GPHN: variants seen among roughly 807,000 people sequenced by gnomAD.
GPHN encodes the protein gephyrin.
Under a neutral mutation model 95.5 loss-of-function variants are expected in GPHN, and 17 were observed. The ratio of observed to expected loss-of-function variants is 0.18; its 90% CI spans 0.12 to 0.27. The LOEUF (loss-of-function observed/expected upper bound fraction) is 0.27. Among genes scored for constraint, GPHN ranks in the 10% least tolerant of loss-of-function variants. The pLI is 1.00. For missense variants in GPHN, 660 were observed against 978.1 expected (o/e 0.67, Z 4.34); for synonymous variants, 320 against 322.5 (o/e 0.99, Z 0.08).
At chr14:66,972,404 C>A (rs1358055814) in intron 9 of GPHN, among the ~76,000 whole-genome samples, 2 of 151,618 alleles carry the variant, frequency 1.3e-5, no homozygotes, top group Admixed American at 6.6e-5. Flanking sequence ...ACATCTAAGT[C>A]TGAATAATAA....
the GPHN span, among the ~76,000 whole-genome samples, chr14:67,474,363 C>G: frequency 3.3e-5 from 5 of 152,122 alleles, no homozygotes; most frequent in Non-Finnish European, 7.4e-5. Context: ...GTCTGTACTC[C>G]CTAGAGCTTT....
intron 4 of GPHN, among the ~76,000 whole-genome samples, chr14:66,870,144 T>C (rs2063376667): frequency 6.6e-6 from 1 of 152,168 alleles, no homozygotes; most frequent in Non-Finnish European, 1.5e-5. Flanking sequence ...TCTAATGTTT[T>C]ATGTAAAATG....
At chr14:66,617,028 G>A (rs1031306357) in intron 1 of GPHN, among the ~76,000 whole-genome samples, 15 of 152,210 alleles carry the variant, frequency 9.9e-5, no homozygotes, top group African/African-American at 2.9e-4. Flanking sequence ...CCCATTTAAC[G>A]AAGCACTTTG....
intron 12 of GPHN, among the ~76,000 whole-genome samples, chr14:67,099,547 CAAA>C (rs368937478): frequency 7.1e-6 from 1 of 141,326 alleles, no homozygotes; most frequent in African/African-American, 2.5e-5. Flanking sequence ...TAACAGGATT[CAAA>C]AAAAAAAACA....
chr14:66,835,357 A>G (rs935781303), intron 4 of GPHN, among the ~76,000 whole-genome samples: 4 of 151,706 alleles, frequency 2.6e-5, no homozygotes, highest in Non-Finnish European at 5.9e-5. Context: ...GAGGGTGTCA[A>G]TTTTGGATCT....
chr14:66,803,606 C>G (rs985891595), intron 3 of GPHN, among the ~76,000 whole-genome samples: 2 of 152,272 alleles, frequency 1.3e-5, no homozygotes, highest in Middle Eastern at 3.4e-3. Context: ...TCTTCCTATT[C>G]TATCTTCTCT....
the GPHN span, among the ~76,000 whole-genome samples, chr14:67,190,735 A>G: frequency 1.3e-5 from 2 of 152,232 alleles, no homozygotes; most frequent in African/African-American, 4.8e-5. Flanking sequence ...CACAACAGTT[A>G]GACTCCTGCA....
chr14:67,204,736 G>T, the GPHN span: 4 of 1,613,924 alleles, frequency 2.5e-6, no homozygotes, highest in Non-Finnish European at 3.4e-6. Flanking sequence ...AGTGTCGGAG[G>T]TTTCAAGTCT....
chr14:67,000,750 A>ATC (rs1016571159), intron 9 of GPHN, among the ~76,000 whole-genome samples: 2 of 151,566 alleles, frequency 1.3e-5, no homozygotes. Context: ...ATTAGTATAT[A>ATC]TCTCTCTCTC....
At chr14:66,552,863 TCTTA>T (rs1204070966) in intron 1 of GPHN, among the ~76,000 whole-genome samples, 1 of 152,196 alleles carries the variant, frequency 6.6e-6, no homozygotes, top group African/African-American at 2.4e-5. Flanking sequence ...CAAGATTTTT[TCTTA>T]CTTTTGTTTT....
the GPHN span, chr14:67,562,780 C>T: frequency 2.5e-6 from 4 of 1,613,660 alleles, no homozygotes; most frequent in Non-Finnish European, 3.4e-6. Flanking sequence ...AGGAGCCACC[C>T]CCAGCAGGGA....
the GPHN span, among the ~76,000 whole-genome samples, chr14:67,297,313 T>G: frequency 6.6e-6 from 1 of 152,324 alleles, no homozygotes; most frequent in East Asian, 1.9e-4. Context: ...AAATATGAAT[T>G]AATTTATACA....
At chr14:67,583,640 A>G in the GPHN span, 1 of 822,694 alleles carries the variant, frequency 1.2e-6, no homozygotes, top group Non-Finnish European at 1.9e-6. Flanking sequence ...CACCCCACCA[A>G]TAGGGTAATA....
chr14:66,530,583 G>T (rs1302011414), intron 1 of GPHN, among the ~76,000 whole-genome samples: 1 of 152,182 alleles, frequency 6.6e-6, no homozygotes, highest in African/African-American at 2.4e-5. Context: ...CAGGGCCCTG[G>T]TGGCACAGGC....
chr14:66,689,134 C>T (rs1300728508), intron 2 of GPHN, among the ~76,000 whole-genome samples: 3 of 152,004 alleles, frequency 2.0e-5, no homozygotes, highest in Admixed American at 2.0e-4. Flanking sequence ...AGAGGAAAAG[C>T]TTTTAACTTT....
At chr14:66,728,047 T>G (rs919536377) in intron 2 of GPHN, among the ~76,000 whole-genome samples, 3 of 152,130 alleles carry the variant, frequency 2.0e-5, no homozygotes, top group Admixed American at 1.3e-4. Flanking sequence ...TTCCAACCAC[T>G]TTAGCCATGG....
chr14:66,606,929 TA>T (rs1292069374), intron 1 of GPHN, among the ~76,000 whole-genome samples: 3 of 152,166 alleles, frequency 2.0e-5, no homozygotes, highest in African/African-American at 7.2e-5. Flanking sequence ...GAATGTATTT[TA>T]TTTCTTTCTT....
chr14:67,670,016 G>A, the GPHN span, among the ~76,000 whole-genome samples: 1 of 152,192 alleles, frequency 6.6e-6, no homozygotes, highest in Non-Finnish European at 1.5e-5. Context: ...GATCACCTGA[G>A]CCCGGGAAGC....
chr14:67,459,800 T>C, the GPHN span, among the ~76,000 whole-genome samples: 1 of 152,134 alleles, frequency 6.6e-6, no homozygotes, highest in African/African-American at 2.4e-5. Flanking sequence ...GGAAAGACAA[T>C]CTCCCAGGGC....
Sources: allele counts gnomAD v4.1 joint callset (sites outside exome capture counted in the v4.1 genomes callset), GRCh38; gene constraint gnomAD v4.1.1; transcripts MANE v1.5; gene names NCBI Gene and HGNC (gene_info 2026-07-23, HGNC 2026-07-21).